SHISAL2A: variants seen among roughly 807,000 people sequenced by gnomAD.
The protein encoded by SHISAL2A is protein shisa-like-2A.
Under a neutral mutation model 11.5 loss-of-function variants are expected in SHISAL2A, and 18 were observed. That is an observed-to-expected ratio of 1.57 (90% CI 1.08 to 2.33). The LOEUF (loss-of-function observed/expected upper bound fraction) is 2.33. Among genes scored for constraint, SHISAL2A ranks in the 30% most tolerant of loss-of-function variants. The pLI, the probability that SHISAL2A is intolerant of heterozygous loss-of-function variation, is 0.00. For synonymous variants in SHISAL2A, 94 were observed against 99.6 expected, an observed-to-expected ratio of 0.94 and a Z score of 0.34; for missense variants, 261 against 250.9, an observed-to-expected ratio of 1.04 and a Z score of -0.27.
intron 1 of SHISAL2A, among the ~76,000 whole-genome samples, chr1:52,640,386 C>T (rs1463596052): frequency 1.3e-5 from 2 of 152,076 alleles, no homozygotes; most frequent in African/African-American, 4.8e-5. Flanking sequence ...TTCCATAACA[C>T]CTGACACATA....
At chr1:52,662,279 T>C (rs1691921496) in intron 4 of SHISAL2A, among the ~76,000 whole-genome samples, 2 of 152,150 alleles carry the variant, frequency 1.3e-5, no homozygotes, top group South Asian at 2.1e-4. Context: ...ATGGCAATAC[T>C]TGAAGGGTCT....
At chr1:52,658,292 G>A (rs1432854894), downstream of SHISAL2A, among the ~76,000 whole-genome samples, 1 of 152,108 alleles carries the variant, frequency 6.6e-6, no homozygotes, top group Non-Finnish European at 1.5e-5. Flanking sequence ...CGCCTGCCTT[G>A]GCCTCCCAAA....
At chr1:52,653,031 G>T (rs1691706642) in intron 2 of SHISAL2A, among the ~76,000 whole-genome samples, 1 of 118,728 alleles carries the variant, frequency 8.4e-6, no homozygotes, top group Admixed American at 8.7e-5. Context: ...TCACAGTAAA[G>T]TCAAAACCAA....
chr1:52,651,001 G>A (rs1278527764), intron 2 of SHISAL2A, among the ~76,000 whole-genome samples: 3 of 146,192 alleles, frequency 2.1e-5, no homozygotes, highest in Non-Finnish European at 3.0e-5. Flanking sequence ...TAATGTAATT[G>A]CTAAAAAAAA....
chr1:52,666,385 G>T (rs1346331517), intron 4 of SHISAL2A, among the ~76,000 whole-genome samples: 1 of 152,112 alleles, frequency 6.6e-6, no homozygotes, highest in East Asian at 1.9e-4. Flanking sequence ...CCAGGAGGCG[G>T]AGGTTGCAGT....
At chr1:52,661,027 T>A (rs1390682624), downstream of SHISAL2A, among the ~76,000 whole-genome samples, 2 of 152,222 alleles carry the variant, frequency 1.3e-5, no homozygotes, top group African/African-American at 4.8e-5. Flanking sequence ...AGGAACAGCA[T>A]ACATGAAGAC....
In SHISAL2A at chr1:52,667,439, G is replaced by A. The variant is rs1008694014; in HGVS notation, n.736G>A. On this transcript the variant is annotated non_coding_transcript_exon_variant, in exon 5 of 6. Coordinates refer to the SHISAL2A transcript ENST00000401050. ...CTGGCAACAACCACAATTGTAATTCGTTCAAAGAGATTGACTGCTGTGGAG... is the reference window on the plus strand; with the variant it reads ...CTGGCAACAACCACAATTGTAATTCATTCAAAGAGATTGACTGCTGTGGAG... 7.2e-6 allele frequency: 7 copies of A among 977,358 alleles called. No individual in the cohort carries two copies. In the African/African-American group the frequency reaches 8.8e-5, roughly 12 times the overall value. 60.5% of individuals were successfully genotyped at this position (977,358 alleles called of 1,614,324 possible). A position where few individuals can be genotyped will look rare whatever the true frequency, so the allele number is the denominator to read the frequency against.
intron 1 of SHISAL2A, among the ~76,000 whole-genome samples, chr1:52,641,688 T>C (rs1385681325): frequency 1.3e-5 from 2 of 152,062 alleles, no homozygotes; most frequent in African/African-American, 4.8e-5. Flanking sequence ...ATGCTTGTAA[T>C]CCCAACATTT....
At chr1:52,666,227 G>C (rs1356607804) in intron 4 of SHISAL2A, among the ~76,000 whole-genome samples, 3 of 152,088 alleles carry the variant, frequency 2.0e-5, no homozygotes, top group Non-Finnish European at 4.4e-5. Flanking sequence ...TGAGACGGGG[G>C]GATCACTTGA....
rs1374932349 is a variant in SHISAL2A at position 52,633,772 on chromosome 1, A to G, written c.182+97A>G. The G allele has an allele frequency of 1.8e-5, 18 of 1,003,652 alleles. No homozygotes were observed. The highest frequency in any genetic ancestry group is 2.1e-4 in the Middle Eastern group (1 of 4,796). The allele number at this position is 1,003,652 out of a possible 1,614,324, so 62.2% of individuals were successfully genotyped here. A position where few individuals can be genotyped will look rare whatever the true frequency, so the allele number is the denominator to read the frequency against. ...CCACCCGAGTGTCCACCTGAACATC[A>G]GCAGCAAGCTCTAGTCCTTACCGTC... On this transcript the variant is annotated intron_variant, in intron 1 of 2. Transcript: ENST00000517870. The surrounding 1 kb of genome is among the most constrained non-coding windows in gnomAD (Gnocchi z 6.4).
chr1:52,666,895 A>G (rs1692024107), intron 4 of SHISAL2A, among the ~76,000 whole-genome samples: 1 of 152,194 alleles, frequency 6.6e-6, no homozygotes, highest in Non-Finnish European at 1.5e-5. Context: ...CCACACAGAT[A>G]CTTGCTGATC....
intron 2 of SHISAL2A, among the ~76,000 whole-genome samples, chr1:52,648,738 C>T (rs1038226): frequency 0.17 from 25,365 of 152,038 alleles, 3,703 homozygotes; most frequent in East Asian, 0.34. Context: ...AAATCAAACA[C>T]GTGTCTTTCT....
At chr1:52,665,144 G>A (rs914510562) in intron 4 of SHISAL2A, among the ~76,000 whole-genome samples, 6 of 152,294 alleles carry the variant, frequency 3.9e-5, no homozygotes, top group South Asian at 2.1e-4. Flanking sequence ...TGATGTGCTC[G>A]ACAGATGTTA....
chr1:52,660,956 G>A (rs1691896724), downstream of SHISAL2A, among the ~76,000 whole-genome samples: 1 of 152,190 alleles, frequency 6.6e-6, no homozygotes, highest in African/African-American at 2.4e-5. Flanking sequence ...AAGTTTAAAG[G>A]ACCCACTGAC....
chr1:52,639,086 T>A (rs1691300487), intron 1 of SHISAL2A, among the ~76,000 whole-genome samples: 1 of 151,714 alleles, frequency 6.6e-6, no homozygotes, highest in Non-Finnish European at 1.5e-5. Context: ...GGCAGGAGGA[T>A]CACTTGAGCC....
At chr1:52,642,555 A>G (rs694801) in intron 1 of SHISAL2A, among the ~76,000 whole-genome samples, 3,130 of 151,800 alleles carry the variant, frequency 0.021, 107 homozygotes, top group African/African-American at 0.072. Flanking sequence ...CCTCCCGAGT[A>G]GGTGAGATTA....
At chr1:52,652,696 T>C (rs547133352) in intron 2 of SHISAL2A, among the ~76,000 whole-genome samples, 1 of 152,198 alleles carries the variant, frequency 6.6e-6, no homozygotes, top group Non-Finnish European at 1.5e-5. Flanking sequence ...CCGGGCGCAG[T>C]GGCTCACACC....
At chr1:52,662,981 G>C (rs1241220077) in intron 4 of SHISAL2A, among the ~76,000 whole-genome samples, 1 of 152,184 alleles carries the variant, frequency 6.6e-6, no homozygotes, top group Non-Finnish European at 1.5e-5. Context: ...TCTCCAAGGA[G>C]GCCTTTCTCC....
chr1:52,651,400 C>T (rs1449916712), intron 2 of SHISAL2A, among the ~76,000 whole-genome samples: 5 of 151,980 alleles, frequency 3.3e-5, no homozygotes, highest in Non-Finnish European at 2.9e-5. Flanking sequence ...TCACGCCTGG[C>T]TAATATTTGT....
Sources: gnomAD v4.1 joint callset for allele counts (sites outside exome capture counted in the v4.1 genomes callset) on GRCh38, gnomAD v4.1.1 for gene constraint, Gnocchi (gnomAD v3.1) non-coding constraint, MANE v1.5 for transcripts, NCBI Gene and HGNC (gene_info 2026-07-23, HGNC 2026-07-21) for gene names.